Variants in PALD1 observed in about 807,000 individuals in gnomAD.
The protein encoded by PALD1 is phosphatase domain containing paladin 1.
Under a neutral mutation model 96.0 loss-of-function variants are expected in PALD1, and 57 were observed. The ratio of observed to expected loss-of-function variants is 0.59; its 90% CI spans 0.48 to 0.74. PALD1 has a LOEUF of 0.74. PALD1 is among the 30% of genes least tolerant of loss of function. The pLI is 0.00. For synonymous variants in PALD1, 464 were observed against 473.6 expected, an observed-to-expected ratio of 0.98 and a Z score of 0.26; for missense variants, 1,063 against 1,143.7, an observed-to-expected ratio of 0.93 and a Z score of 1.02.
At position 70,568,095 on chromosome 10, in the gene PALD1, C is replaced by G. The variant is rs1589225529; in HGVS notation, c.*1362C>G. On this transcript the variant is annotated 3_prime_UTR_variant, in exon 20 of 20. Transcript: ENST00000263563. ...CCAGTATTGGAAAATATTTGACCCC[C>G]TTGGCTGAATTCTTTTGCAGAACTA... 6.6e-6 allele frequency: 1 copy of G among 152,306 alleles called. No individual in the cohort carries two copies. Among genetic ancestry groups the G allele is most frequent in the African/African-American group, 2.4e-5 (1 of 41,560 alleles). The allele number at this position is 152,306 out of a possible 1,614,324, so 9.4% of individuals were successfully genotyped here. A position where few individuals can be genotyped will look rare whatever the true frequency, so the allele number is the denominator to read the frequency against.
At chr10:70,565,988 C>T (rs906655177) in intron 19 of PALD1, among the ~76,000 whole-genome samples, 3 of 152,162 alleles carry the variant, frequency 2.0e-5, no homozygotes, top group Admixed American at 1.3e-4. Context: ...CTCTCTCCTG[C>T]GGATGAGTGG....
At chr10:70,473,916 G>A (rs909777786), upstream of PALD1, among the ~76,000 whole-genome samples, 1 of 151,916 alleles carries the variant, frequency 6.6e-6, no homozygotes, top group Non-Finnish European at 1.5e-5. Flanking sequence ...GCCTCCCAAA[G>A]TGTTGGGATT....
chr10:70,526,964 A>G (rs1846881707), intron 2 of PALD1, among the ~76,000 whole-genome samples: 1 of 152,162 alleles, frequency 6.6e-6, no homozygotes, highest in African/African-American at 2.4e-5. Flanking sequence ...AGGGGTGGGA[A>G]TGATAAACCC....
chr10:70,556,467 C>T (rs11818987), intron 18 of PALD1, among the ~76,000 whole-genome samples: 53,965 of 151,824 alleles, frequency 0.36, 10,134 homozygotes, highest in Middle Eastern at 0.47. Flanking sequence ...AGAGATGCGC[C>T]ACCAGGCCTG....
At chr10:70,554,920 CCCTCCCCCT>C (rs1564710344) in intron 18 of PALD1, among the ~76,000 whole-genome samples, 3 of 34,026 alleles carry the variant, frequency 8.8e-5, no homozygotes, top group Admixed American at 3.3e-4. Flanking sequence ...CCCTCTCCTC[CCCTCCCCCT>C]CCTCCCCCTC....
intron 1 of PALD1, among the ~76,000 whole-genome samples, chr10:70,496,006 A>G (rs1199145294): frequency 6.6e-6 from 1 of 150,376 alleles, no homozygotes; most frequent in East Asian, 1.9e-4. Flanking sequence ...GGGAGACTCT[A>G]TCTCAAACAA....
At chr10:70,495,302 T>C (rs1225579924) in intron 1 of PALD1, among the ~76,000 whole-genome samples, 1 of 152,190 alleles carries the variant, frequency 6.6e-6, no homozygotes, top group Admixed American at 6.5e-5. Flanking sequence ...ATGTATACAG[T>C]GTATCATAAT....
At chr10:70,473,447 G>T in the PALD1 span, among the ~76,000 whole-genome samples, 1 of 152,112 alleles carries the variant, frequency 6.6e-6, no homozygotes, top group South Asian at 2.1e-4. Flanking sequence ...GTCTATCTAT[G>T]GACCCTCACT....
At chr10:70,460,994 G>C in the PALD1 span, among the ~76,000 whole-genome samples, 1 of 152,208 alleles carries the variant, frequency 6.6e-6, no homozygotes, top group Non-Finnish European at 1.5e-5. Flanking sequence ...GGCAGAGGTT[G>C]CAGTGAGCTG....
rs552174777 is a variant in PALD1, at chr10:70,530,599, A to G, written c.468+531A>G. 3.3e-5 allele frequency among the ~76,000 whole-genome samples: 5 copies of G among 152,232 alleles called. No homozygotes were observed. In the East Asian group the frequency reaches 7.7e-4, roughly 23 times the overall value. On this transcript the variant is annotated intron_variant, in intron 4 of 19. Transcript: ENST00000263563. ...TTCAAGGACTGTTCTTACCTGTCGG[A>G]TGTTGAGGCAGGGTTTTGCGTGTCC...
Position 70,539,463 on chromosome 10 carries a change from G to T in PALD1, c.1726-117G>T. 2 of 1,094,112 alleles carry T rather than the reference G, an allele frequency of 1.8e-6. No individual in the cohort carries two copies. 67.8% of individuals were successfully genotyped at this position (1,094,112 alleles called of 1,614,324 possible). Reference sequence around the variant, plus strand: ...TGGCTGTGACCCCTGAGGCTTGGGGGGGTCAGGGATGGGACTGGAAGCCAG... The same window carrying T: ...TGGCTGTGACCCCTGAGGCTTGGGGTGGTCAGGGATGGGACTGGAAGCCAG... On this transcript the variant is annotated intron_variant, in intron 14 of 19. Transcript: ENST00000263563. The surrounding 1 kb of genome is among the most constrained non-coding windows in gnomAD (Gnocchi z 4.5).
intron 1 of PALD1, among the ~76,000 whole-genome samples, chr10:70,484,831 G>A (rs1420898075): frequency 3.9e-5 from 6 of 152,168 alleles, no homozygotes; most frequent in Admixed American, 6.6e-5. Flanking sequence ...GAGCCACTGC[G>A]CCCAGCTGCA....
At chr10:70,492,143 A>C (rs536830517) in intron 1 of PALD1, among the ~76,000 whole-genome samples, 16 of 152,236 alleles carry the variant, frequency 1.1e-4, no homozygotes, top group Non-Finnish European at 2.4e-4. Context: ...TCATATGGTA[A>C]GTCTTTGTTT....
intron 7 of PALD1, 141 bp from the exon 8 acceptor site, chr10:70,533,781 A>T (rs989760866): frequency 2.9e-6 from 2 of 684,444 alleles, no homozygotes; most frequent in Non-Finnish European, 4.6e-6. Flanking sequence ...CTTTGGCAGA[A>T]GAGGCCAAGA....
At chr10:70,542,227 T>G (rs769175495) in intron 17 of PALD1, among the ~76,000 whole-genome samples, 3 of 152,220 alleles carry the variant, frequency 2.0e-5, no homozygotes, top group Non-Finnish European at 4.4e-5. Context: ...GCCTTCTCCC[T>G]TCCTTCTTCT....
chr10:70,552,876 C>T (rs1847509326), intron 18 of PALD1, among the ~76,000 whole-genome samples: 1 of 152,170 alleles, frequency 6.6e-6, no homozygotes, highest in African/African-American at 2.4e-5. Context: ...CTCTTTTAAT[C>T]TCATACAGTT....
chr10:70,524,865 C>T (rs1370084316), intron 1 of PALD1, among the ~76,000 whole-genome samples: 1 of 152,198 alleles, frequency 6.6e-6, no homozygotes, highest in Non-Finnish European at 1.5e-5. Context: ...CGTGGTACAC[C>T]ACTTTGTGTA....
At chr10:70,477,937 G>GTGGGTGCGTGCACA (rs1845851881), upstream of PALD1, among the ~76,000 whole-genome samples, 1 of 152,030 alleles carries the variant, frequency 6.6e-6, no homozygotes, top group African/African-American at 2.4e-5. Context: ...GTGAACGCAC[G>GTGGGTGCGTGCACA]CACGTGGGTG....
rs776533328 is a variant in PALD1 at position 70,539,054 on chromosome 10, G to C, written c.1570-38G>C. On this transcript the variant is annotated intron_variant, in intron 13 of 19. Transcript: ENST00000263563. The surrounding 1 kb of genome is among the most constrained non-coding windows in gnomAD (Gnocchi z 4.5). ...GGGTCCCCCAGTGGGTTTGGGGAGG[G>C]AGGGCTGAGCACTCACTGCCGGCCC... The C allele has an allele frequency of 2.5e-6, 4 of 1,613,488 alleles. No homozygotes were observed.
Sources: allele counts gnomAD v4.1 joint callset (sites outside exome capture counted in the v4.1 genomes callset), GRCh38; gene constraint gnomAD v4.1.1; non-coding constraint Gnocchi (gnomAD v3.1); transcripts MANE v1.5; gene names NCBI Gene and HGNC (gene_info 2026-07-23, HGNC 2026-07-21).